Variants in SPINK1 observed in about 807,000 individuals in gnomAD.
The protein encoded by SPINK1 is serine peptidase inhibitor Kazal type 1, also known as serine protease inhibitor Kazal-type 1.
Under a neutral mutation model 9.5 loss-of-function variants are expected in SPINK1, and 5 were observed. The ratio of observed to expected loss-of-function variants is 0.52; its 90% confidence interval spans 0.27 to 1.10. The LOEUF (loss-of-function observed/expected upper bound fraction) is 1.10. Ranked by LOEUF, SPINK1 falls within the 50% of genes least tolerant of loss-of-function variation. The probability of loss-of-function intolerance (pLI) is 0.11; values close to 1 mark genes in which losing one functional copy is unlikely to be tolerated. For synonymous variants in SPINK1, 37 were observed against 32.3 expected, an observed-to-expected ratio of 1.14 and a Z score of -0.49; for missense variants, 88 against 92.7, an observed-to-expected ratio of 0.95 and a Z score of 0.21.
chr5:147,831,531 C>A lies in SPINK1; in HGVS notation c.47G>T (p.Ser16Ile). ...AAATATGCAACACTTACCAGATAGA[C>A]TCAACAGGGCCAAGGCACTGAGAAG... ...IFLLSALALL[S>I]LSGNTGADSL... Residue 16 changes from serine (S) to isoleucine (I), a missense_variant, in exon 1 of 4, where the codon AGT becomes ATT. By Grantham distance (142) the Ser-to-Ile change is moderately radical (BLOSUM62 -2). Transcript: ENST00000296695. 1 of 1,613,590 alleles carries A rather than the reference C, an allele frequency of 6.2e-7. No homozygotes were observed. Among genetic ancestry groups the A allele is most frequent in the Non-Finnish European group, 8.5e-7 (1 of 1,179,856 alleles).
upstream of SPINK1, chr5:147,831,803 T>C (rs1445453295): frequency 7.1e-7 from 1 of 1,399,482 alleles, no homozygotes; most frequent in Non-Finnish European, 9.3e-7. Flanking sequence ...CAGGTGGGCC[T>C]GAAACATGCA....
At chr5:147,831,879 G>A (rs1756515907), upstream of SPINK1, 2 of 1,200,754 alleles carry the variant, frequency 1.7e-6, no homozygotes, top group Admixed American at 6.8e-5. Context: ...CTCTGTGGTT[G>A]TGGGAAAGTC....
chr5:147,832,148 C>G (rs1040621680), upstream of SPINK1, among the ~76,000 whole-genome samples: 3 of 152,042 alleles, frequency 2.0e-5, no homozygotes, highest in African/African-American at 7.2e-5. Context: ...AAAGAGAAAG[C>G]AAGAGAGAGA....
intron 3 of SPINK1, among the ~76,000 whole-genome samples, chr5:147,826,222 C>T (rs979159141): frequency 4.6e-5 from 7 of 152,192 alleles, no homozygotes; most frequent in African/African-American, 1.7e-4. Context: ...GTATTATCTA[C>T]TTGTCTCAAA....
In SPINK1 at chr5:147,829,776, C is replaced by T. The variant is rs974449127; in HGVS notation, c.56-146G>A. The T allele has an allele frequency of 1.1e-5, 9 of 810,298 alleles. No homozygotes were observed. In the African/African-American group the frequency reaches 1.4e-4, roughly 12 times the overall value. The allele number at this position is 810,298 out of a possible 1,614,324, so 50.2% of individuals were successfully genotyped here. A position where few individuals can be genotyped will look rare whatever the true frequency, so the allele number is the denominator to read the frequency against. On this transcript the variant is annotated intron_variant, in intron 1 of 3. Coordinates refer to ENST00000296695, the MANE Select transcript of SPINK1 (RefSeq NM_001379610.1). The stretch of plus-strand genomic sequence containing the variant: ...CACCCTTTCTGATTTCTCTAATCTT[C>T]CAAAAGTATCTGACTGATTTTCCTG...
intron 3 of SPINK1, among the ~76,000 whole-genome samples, chr5:147,825,979 A>C (rs1208777426): frequency 1.3e-5 from 2 of 152,194 alleles, no homozygotes; most frequent in African/African-American, 4.8e-5. Context: ...CATTTAAGTT[A>C]GTGTTAGCCA....
At chr5:147,837,832 GCTGGGAC>G in the SPINK1 span, among the ~76,000 whole-genome samples, 1 of 151,940 alleles carries the variant, frequency 6.6e-6, no homozygotes, top group East Asian at 1.9e-4. Context: ...CTCCTGAGTA[GCTGGGAC>G]TACAGGCAAG....
the SPINK1 span, among the ~76,000 whole-genome samples, chr5:147,838,538 T>A: frequency 2.0e-5 from 3 of 152,340 alleles, no homozygotes; most frequent in South Asian, 6.2e-4. Context: ...CTAGATGTGT[T>A]GTATATGTCT....
At chr5:147,828,702 C>T (rs978218978) in intron 2 of SPINK1, among the ~76,000 whole-genome samples, 1 of 152,204 alleles carries the variant, frequency 6.6e-6, no homozygotes, top group East Asian at 1.9e-4. Context: ...AACCTCCTAA[C>T]TATCCTGTGA....
At chr5:147,835,447 C>T (rs1756580685), upstream of SPINK1, among the ~76,000 whole-genome samples, 1 of 152,030 alleles carries the variant, frequency 6.6e-6, no homozygotes, top group Non-Finnish European at 1.5e-5. Context: ...GTGCATTGAC[C>T]AGAGAAATCC....
intron 3 of SPINK1, 29 bp from the exon 4 acceptor site, chr5:147,824,735 A>C (rs1312234717): frequency 6.2e-7 from 1 of 1,608,964 alleles, no homozygotes; most frequent in East Asian, 2.2e-5. Context: ...AAAATATATC[A>C]GCTTAAACTT....
chr5:147,829,732 A>C, intron 1 of SPINK1, 102 bp from the exon 2 acceptor site: 1 of 1,066,872 alleles, frequency 9.4e-7, no homozygotes, highest in South Asian at 1.3e-5. Context: ...TGACTTCTTT[A>C]CTAGGCTCTT....
intron 2 of SPINK1, 74 bp from the exon 3 acceptor site, chr5:147,828,202 G>A: frequency 8.8e-7 from 1 of 1,135,388 alleles, no homozygotes; most frequent in South Asian, 1.3e-5. Flanking sequence ...CTCTGAAATG[G>A]TTTTATTTCT....
chr5:147,829,844 T>A (rs923620604), intron 1 of SPINK1, among the ~76,000 whole-genome samples: 3 of 152,218 alleles, frequency 2.0e-5, no homozygotes, highest in African/African-American at 7.2e-5. Context: ...GAGTAAAACT[T>A]TGATTATGAC....
intron 3 of SPINK1, 38 bp from the exon 4 acceptor site, chr5:147,824,744 T>A: frequency 1.9e-6 from 3 of 1,598,296 alleles, no homozygotes; most frequent in Non-Finnish European, 2.6e-6. Flanking sequence ...CAGCTTAAAC[T>A]TCACTGATGA....
chr5:147,828,105 A>G lies in SPINK1; in HGVS notation c.111T>C (p.Asn37=), dbSNP rs769216699. ...CAGGGTCATATATCTTGGTGCATCC[A>G]TTAAGTTCATTGTAACATTTGGCCT... is the stretch of plus-strand genomic sequence containing the variant. ...GREAKCYNEL[N]GCTKIYDPVC... is the part of the protein sequence containing the mutation. Residue 37 remains asparagine, a synonymous_variant, in exon 3 of 4, where the codon AAT becomes AAC. Transcript: ENST00000296695. The G allele has an allele frequency of 6.0e-5, 97 of 1,613,236 alleles. No individual in the cohort carries two copies. Among genetic ancestry groups the G allele is most frequent in the Middle Eastern group, 3.3e-4 (2 of 6,080 alleles).
upstream of SPINK1, among the ~76,000 whole-genome samples, chr5:147,836,051 A>T (rs898776026): frequency 1.3e-5 from 2 of 152,032 alleles, no homozygotes; most frequent in African/African-American, 4.8e-5. Context: ...TTTGCCTCTC[A>T]TAGCAGTTTG....
At chr5:147,828,524 G>C (rs1756452673) in intron 2 of SPINK1, among the ~76,000 whole-genome samples, 1 of 152,152 alleles carries the variant, frequency 6.6e-6, no homozygotes, top group Non-Finnish European at 1.5e-5. Flanking sequence ...GTTCTTCCTT[G>C]TACACTGTAG....
intron 1 of SPINK1, among the ~76,000 whole-genome samples, chr5:147,830,615 A>C (rs1756491825): frequency 1.3e-5 from 2 of 152,168 alleles, no homozygotes; most frequent in Non-Finnish European, 2.9e-5. Flanking sequence ...TGCTCATCAC[A>C]GGCATCTATT....
Sources: gnomAD v4.1 joint callset for allele counts (sites outside exome capture counted in the v4.1 genomes callset) on GRCh38, gnomAD v4.1.1 for gene constraint, MANE v1.5 for transcripts, NCBI Gene and HGNC (gene_info 2026-07-23, HGNC 2026-07-21) for gene names.